The following FRMD5 variants were observed in gnomAD, a reference collection of about 807,000 sequenced individuals.
FRMD5 encodes FERM domain-containing protein 5.
In FRMD5, 20 loss-of-function variants were observed where a neutral mutation model predicts 69.0. The observed-to-expected ratio is 0.29, with a 90% CI of 0.20 to 0.42. The LOEUF (loss-of-function observed/expected upper bound fraction) is 0.42, where lower values mean the gene tolerates loss of function less well. Ranked by LOEUF, FRMD5 falls within the 10% of genes least tolerant of loss-of-function variation. The pLI is 1.00. For missense variants in FRMD5, 595 were observed against 708.6 expected (o/e 0.84, Z 1.82); for synonymous variants, 271 against 260.1 (o/e 1.04, Z -0.40).
chr15:44,063,741 C>A, intron 1 of FRMD5: 1 of 326,780 alleles, frequency 3.1e-6, no homozygotes, highest in Non-Finnish European at 5.9e-6. Flanking sequence ...TCATCATCTT[C>A]CAAGAGAGAG....
chr15:44,160,155 GC>G (rs1200252543), intron 1 of FRMD5, among the ~76,000 whole-genome samples: 1 of 152,134 alleles, frequency 6.6e-6, no homozygotes, highest in African/African-American at 2.4e-5. Flanking sequence ...GGAGTTTGAG[GC>G]CAGCCTGGCC....
Position 43,874,307 on chromosome 15 carries a change from G to A in FRMD5, c.1291C>T (p.Leu431=), listed in dbSNP as rs753248310. ...DEAYSPADSV[L]PTPVAEHSLE... ...CTGTGCTCAGCCACAGGGGTGGGCA[G>A]CACGCTGTCTGCAGGGCTGTAGGCC... Residue 431 remains leucine, a synonymous_variant, in exon 14 of 14, where the codon CTG becomes TTG. Transcript: ENST00000417257. The A allele has an allele frequency of 1.1e-5, 17 of 1,614,094 alleles. No individual in the cohort carries two copies. Among genetic ancestry groups the A allele is most frequent in the Admixed American group, 1.7e-5 (1 of 60,008 alleles).
At chr15:43,901,142 G>C (rs563479766) in intron 7 of FRMD5, among the ~76,000 whole-genome samples, 9 of 152,212 alleles carry the variant, frequency 5.9e-5, no homozygotes, top group African/African-American at 1.9e-4. Flanking sequence ...GACACAGGCA[G>C]ATGACAGCCA....
chr15:43,879,824 A>C (rs2088474016), intron 13 of FRMD5: 2 of 396,058 alleles, frequency 5.0e-6, no homozygotes, highest in Non-Finnish European at 8.9e-6. Flanking sequence ...GCCCCTTGGC[A>C]GTGCCTCGCG....
intron 1 of FRMD5, among the ~76,000 whole-genome samples, chr15:44,058,004 T>C (rs1319956966): frequency 6.6e-6 from 1 of 152,216 alleles, no homozygotes; most frequent in Non-Finnish European, 1.5e-5. Flanking sequence ...GAAATACATC[T>C]ATAACCTAAT....
intron 1 of FRMD5, among the ~76,000 whole-genome samples, chr15:43,992,363 G>A (rs1566884939): frequency 6.7e-6 from 1 of 150,000 alleles, no homozygotes. Context: ...TTTTTTGCAA[G>A]GGACTGGAGT....
intron 1 of FRMD5, chr15:43,990,243 C>T (rs1889610003): frequency 1.3e-5 from 5 of 392,330 alleles, no homozygotes; most frequent in South Asian, 8.7e-5. Context: ...GCTCTGTGCT[C>T]GCAGGGTGGA....
chr15:44,183,229 T>C (rs980066996), intron 1 of FRMD5, among the ~76,000 whole-genome samples: 3 of 150,762 alleles, frequency 2.0e-5, no homozygotes, highest in Non-Finnish European at 4.4e-5. Context: ...ATACAGAAGA[T>C]GAGACAAGAC....
At chr15:44,186,851 T>C (rs949247982) in intron 1 of FRMD5, among the ~76,000 whole-genome samples, 1 of 152,238 alleles carries the variant, frequency 6.6e-6, no homozygotes, top group Non-Finnish European at 1.5e-5. Flanking sequence ...TCCCCAAAGC[T>C]CTAGCCTGGC....
intron 7 of FRMD5, among the ~76,000 whole-genome samples, chr15:43,894,954 TTTTG>T (rs899520033): frequency 1.3e-5 from 2 of 152,108 alleles, no homozygotes; most frequent in African/African-American, 4.8e-5. Context: ...TGGCCATGTT[TTTTG>T]TTTGTTTTAG....
chr15:44,159,310 G>A (rs2077576506), intron 1 of FRMD5, among the ~76,000 whole-genome samples: 1 of 152,098 alleles, frequency 6.6e-6, no homozygotes, highest in South Asian at 2.1e-4. Context: ...GAGACTGAGT[G>A]GCAAGAGAAA....
At chr15:43,951,432 A>AAG (rs2090027301) in intron 1 of FRMD5, among the ~76,000 whole-genome samples, 1 of 151,822 alleles carries the variant, frequency 6.6e-6, no homozygotes, top group African/African-American at 2.4e-5. Flanking sequence ...AAAAAAAAAA[A>AAG]AAAGAAAAGA....
intron 1 of FRMD5, among the ~76,000 whole-genome samples, chr15:43,977,840 A>G (rs561007648): frequency 6.6e-6 from 1 of 152,212 alleles, no homozygotes; most frequent in East Asian, 1.9e-4. Flanking sequence ...TGGAGTACTA[A>G]CTGTTGCTAG....
chr15:43,960,048 G>A (rs950489128), intron 1 of FRMD5, among the ~76,000 whole-genome samples: 5 of 152,112 alleles, frequency 3.3e-5, no homozygotes, highest in African/African-American at 1.2e-4. Flanking sequence ...CTCCCAAGTA[G>A]CTGGGATTAC....
At chr15:44,007,544 T>A (rs1890506173) in intron 1 of FRMD5, among the ~76,000 whole-genome samples, 1 of 152,056 alleles carries the variant, frequency 6.6e-6, no homozygotes, top group African/African-American at 2.4e-5. Flanking sequence ...CATCCTAACA[T>A]ACTTTGCATT....
intron 1 of FRMD5, among the ~76,000 whole-genome samples, chr15:44,117,793 G>C (rs1390398114): frequency 6.6e-6 from 1 of 151,944 alleles, no homozygotes; most frequent in Non-Finnish European, 1.5e-5. Context: ...CTAGCAGCTG[G>C]GTGTACTTCC....
intron 1 of FRMD5, among the ~76,000 whole-genome samples, chr15:44,018,274 T>C (rs1001493546): frequency 6.6e-6 from 1 of 152,220 alleles, no homozygotes; most frequent in Non-Finnish European, 1.5e-5. Context: ...TAAACTATCA[T>C]TCTTCCTCAA....
At chr15:44,092,097 G>A (rs1187133378) in intron 1 of FRMD5, among the ~76,000 whole-genome samples, 2 of 152,130 alleles carry the variant, frequency 1.3e-5, no homozygotes, top group African/African-American at 4.8e-5. Flanking sequence ...AAACAGTAAC[G>A]TGTAGGTTTC....
chr15:43,948,381 G>T (rs992122432), intron 1 of FRMD5, among the ~76,000 whole-genome samples: 1 of 152,110 alleles, frequency 6.6e-6, no homozygotes, highest in Non-Finnish European at 1.5e-5. Context: ...ACCATTACTT[G>T]TAAGCATGGG....
Sources: gnomAD v4.1 joint callset for allele counts (sites outside exome capture counted in the v4.1 genomes callset) on GRCh38, gnomAD v4.1.1 for gene constraint, MANE v1.5 for transcripts, NCBI Gene and HGNC (gene_info 2026-07-23, HGNC 2026-07-21) for gene names.